The following BCKDHB variants were observed in gnomAD, a reference collection of about 807,000 sequenced individuals.
BCKDHB encodes the protein branched chain keto acid dehydrogenase E1 subunit beta.
In BCKDHB, 41 loss-of-function variants were observed where a neutral mutation model predicts 48.5. That is an observed-to-expected ratio of 0.85 (90% CI 0.66 to 1.10). BCKDHB has a LOEUF of 1.10. BCKDHB is among the 50% of genes least tolerant of loss of function. The pLI is 0.00. For synonymous variants in BCKDHB, 201 were observed against 174.8 expected (o/e 1.15, Z -1.18); for missense variants, 496 against 494.2 (o/e 1.00, Z -0.03).
the BCKDHB span, among the ~76,000 whole-genome samples, chr6:80,381,373 G>A: frequency 2.6e-5 from 4 of 151,986 alleles, no homozygotes; most frequent in Non-Finnish European, 4.4e-5. Context: ...TCCTTGTGTG[G>A]AGATTAAATA....
chr6:80,229,426 A>C (rs913595737), intron 8 of BCKDHB, among the ~76,000 whole-genome samples: 1 of 152,178 alleles, frequency 6.6e-6, no homozygotes, highest in Non-Finnish European at 1.5e-5. Flanking sequence ...CTGAGGCAGG[A>C]ATATGTTTGT....
chr6:80,270,261 T>G (rs1461134001), intron 8 of BCKDHB, among the ~76,000 whole-genome samples: 1 of 152,294 alleles, frequency 6.6e-6, no homozygotes, highest in African/African-American at 2.4e-5. Context: ...AATTTTTGCA[T>G]TTTCAGAATT....
intron 8 of BCKDHB, among the ~76,000 whole-genome samples, chr6:80,203,769 T>C (rs1309415938): frequency 1.3e-5 from 2 of 152,086 alleles, no homozygotes; most frequent in Admixed American, 6.6e-5. Context: ...CCTGATTACA[T>C]TGGTCTTGTT....
intron 2 of BCKDHB, 51 bp downstream of exon 2, chr6:80,127,675 G>A: frequency 1.4e-6 from 2 of 1,471,540 alleles, no homozygotes; most frequent in South Asian, 1.1e-5. Flanking sequence ...TTCCAGAATT[G>A]AAGATTTGCT....
chr6:80,408,217 G>A, the BCKDHB span, among the ~76,000 whole-genome samples: 10 of 152,130 alleles, frequency 6.6e-5, no homozygotes, highest in East Asian at 1.9e-4. Flanking sequence ...GTTGATTGTG[G>A]TGGATAAGCT....
intron 3 of BCKDHB, among the ~76,000 whole-genome samples, chr6:80,166,656 CAA>C (rs35271028): frequency 4.6e-4 from 65 of 140,858 alleles, no homozygotes; most frequent in Non-Finnish European, 4.9e-4. Flanking sequence ...AACTCCATCT[CAA>C]AAAAAAAAAA....
At chr6:80,176,000 C>A (rs1582289819) in intron 6 of BCKDHB, among the ~76,000 whole-genome samples, 1 of 152,168 alleles carries the variant, frequency 6.6e-6, no homozygotes, top group Non-Finnish European at 1.5e-5. Context: ...GTCCATCTCT[C>A]ACCACCTCCA....
At chr6:80,323,178 C>T (rs1768838246) in intron 9 of BCKDHB, among the ~76,000 whole-genome samples, 1 of 152,046 alleles carries the variant, frequency 6.6e-6, no homozygotes, top group South Asian at 2.1e-4. Flanking sequence ...GAGATAATGT[C>T]ACATGCTTAA....
intron 6 of BCKDHB, among the ~76,000 whole-genome samples, chr6:80,188,328 GAAC>G (rs1773740258): frequency 6.6e-6 from 1 of 152,122 alleles, no homozygotes. Flanking sequence ...ACAGAAAAGA[GAAC>G]AACAGACACT....
chr6:80,170,047 CT>C (rs1270553405), intron 5 of BCKDHB: 138 of 608,494 alleles, frequency 2.3e-4, no homozygotes, highest in Middle Eastern at 1.7e-3. Flanking sequence ...TTCCTTTTTC[CT>C]TTTTTTTTCA....
At chr6:80,460,283 A>G in the BCKDHB span, among the ~76,000 whole-genome samples, 11 of 152,184 alleles carry the variant, frequency 7.2e-5, no homozygotes, top group African/African-American at 2.7e-4. Context: ...CAATAATAAA[A>G]TTGTCCATGA....
intron 6 of BCKDHB, among the ~76,000 whole-genome samples, chr6:80,172,150 C>T (rs1772948260): frequency 6.6e-6 from 1 of 152,026 alleles, no homozygotes; most frequent in Non-Finnish European, 1.5e-5. Context: ...TTTTACTCAA[C>T]CTAATGCTTT....
At chr6:80,142,898 C>T (rs1407826598) in intron 3 of BCKDHB, among the ~76,000 whole-genome samples, 2 of 152,084 alleles carry the variant, frequency 1.3e-5, no homozygotes, top group Admixed American at 6.6e-5. Context: ...AACAGTGCCG[C>T]ATATTCCTTG....
intron 9 of BCKDHB, among the ~76,000 whole-genome samples, chr6:80,332,290 C>G (rs1453076109): frequency 6.6e-6 from 1 of 152,172 alleles, no homozygotes; most frequent in Non-Finnish European, 1.5e-5. Context: ...AGATCCTATA[C>G]TGCACTTGTA....
intron 8 of BCKDHB, among the ~76,000 whole-genome samples, chr6:80,260,957 G>C (rs1777275579): frequency 6.6e-6 from 1 of 152,174 alleles, no homozygotes; most frequent in Non-Finnish European, 1.5e-5. Context: ...GGGGAGACAT[G>C]TTTTGCTTGG....
chr6:80,263,673 G>T (rs1777394413), intron 8 of BCKDHB, among the ~76,000 whole-genome samples: 1 of 152,126 alleles, frequency 6.6e-6, no homozygotes, highest in African/African-American at 2.4e-5. Flanking sequence ...GTGTAGCAGT[G>T]TTTATACTTT....
intron 6 of BCKDHB, among the ~76,000 whole-genome samples, chr6:80,193,300 G>A (rs1172004886): frequency 6.6e-6 from 1 of 152,006 alleles, no homozygotes; most frequent in Non-Finnish European, 1.5e-5. Context: ...AAAATAACAG[G>A]TGATTTTTTT....
the BCKDHB span, among the ~76,000 whole-genome samples, chr6:80,377,089 A>G: frequency 2.0e-5 from 3 of 146,812 alleles, no homozygotes; most frequent in Non-Finnish European, 4.5e-5. Context: ...TGCCCAGGCT[A>G]GAGTTTAGTG....
At chr6:80,243,936 ATAAT>A (rs1776499412) in intron 8 of BCKDHB, among the ~76,000 whole-genome samples, 5 of 152,270 alleles carry the variant, frequency 3.3e-5, no homozygotes, top group Admixed American at 3.3e-4. Flanking sequence ...ATTTCAATAA[ATAAT>A]TTATCTAAAG....
Sources: allele counts gnomAD v4.1 joint callset (sites outside exome capture counted in the v4.1 genomes callset), GRCh38; gene constraint gnomAD v4.1.1; transcripts MANE v1.5; gene names NCBI Gene and HGNC (gene_info 2026-07-23, HGNC 2026-07-21).